Variants in WDPCP observed in about 807,000 individuals in gnomAD.
WDPCP encodes WD repeat-containing and planar cell polarity effector protein fritz homolog.
Under a neutral mutation model 93.1 loss-of-function variants are expected in WDPCP, and 71 were observed. That is an observed-to-expected ratio of 0.76 (90% CI 0.63 to 0.93). The LOEUF is 0.93. WDPCP is among the 40% of genes least tolerant of loss of function. The probability of loss-of-function intolerance (pLI) is 0.00; values close to 1 mark genes in which losing one functional copy is unlikely to be tolerated. For synonymous variants in WDPCP, 315 were observed against 315.0 expected, an observed-to-expected ratio of 1.00 and a Z score of 0.00; for missense variants, 844 against 887.4, an observed-to-expected ratio of 0.95 and a Z score of 0.62.
At chr2:63,147,653 C>A (rs182217914) in intron 17 of WDPCP, among the ~76,000 whole-genome samples, 3 of 152,260 alleles carry the variant, frequency 2.0e-5, no homozygotes, top group African/African-American at 7.2e-5. Flanking sequence ...AAAATGGATA[C>A]AGATACTGCC....
At chr2:63,579,683 C>T (rs1708361401) in intron 1 of WDPCP, among the ~76,000 whole-genome samples, 1 of 152,066 alleles carries the variant, frequency 6.6e-6, no homozygotes, top group Non-Finnish European at 1.5e-5. Flanking sequence ...CGTACTGATG[C>T]AATCCACTGA....
At chr2:63,361,757 G>A (rs894916612) in intron 12 of WDPCP, among the ~76,000 whole-genome samples, 1 of 152,118 alleles carries the variant, frequency 6.6e-6, no homozygotes, top group African/African-American at 2.4e-5. Context: ...CAAGTGAAGA[G>A]GTGAAAAGAG....
intron 2 of WDPCP, among the ~76,000 whole-genome samples, chr2:63,718,348 G>A (rs1356315780): frequency 2.0e-5 from 3 of 151,996 alleles, no homozygotes; most frequent in Non-Finnish European, 4.4e-5. Flanking sequence ...TTTCCATAGG[G>A]GTTTTACTAA....
chr2:63,597,035 A>C (rs1431953704), intron 3 of WDPCP, among the ~76,000 whole-genome samples: 2 of 152,186 alleles, frequency 1.3e-5, no homozygotes, highest in Non-Finnish European at 2.9e-5. Context: ...AGTAATTGTA[A>C]TTTAAAGGTT....
chr2:63,252,776 T>C (rs761283548), intron 14 of WDPCP, among the ~76,000 whole-genome samples: 5 of 152,030 alleles, frequency 3.3e-5, no homozygotes, highest in Non-Finnish European at 7.4e-5. Context: ...CACCAACAAA[T>C]GGAAAAACTT....
At chr2:63,532,047 G>A (rs1001350407) in intron 1 of WDPCP, among the ~76,000 whole-genome samples, 5 of 152,208 alleles carry the variant, frequency 3.3e-5, no homozygotes, top group East Asian at 1.9e-4. Context: ...ACCATGGCAC[G>A]AGAACTACGT....
chr2:63,756,176 A>C (rs749309735), intron 2 of WDPCP, among the ~76,000 whole-genome samples: 2 of 152,224 alleles, frequency 1.3e-5, no homozygotes, highest in Non-Finnish European at 2.9e-5. Context: ...TTTTTCCTAA[A>C]CATTTAACAA....
chr2:63,262,222 C>G (rs953418971), intron 13 of WDPCP, among the ~76,000 whole-genome samples: 1 of 152,008 alleles, frequency 6.6e-6, no homozygotes, highest in African/African-American at 2.4e-5. Context: ...CTTTGATAAA[C>G]TTTGTATTTA....
In WDPCP at chr2:63,494,619, G is replaced by A. The variant is rs61435710; in HGVS notation, c.76-1679C>T. ...GGAGGGAGTATATACAGATGTTTGA[G>A]TAAAAAGATGGCATGACCCGGCCAG... On this transcript the variant is annotated intron_variant, in intron 1 of 17. Coordinates refer to ENST00000272321, the MANE Select transcript of WDPCP (RefSeq NM_015910.7). 7.9e-4 allele frequency among the ~76,000 whole-genome samples: 120 copies of A among 152,194 alleles called. 1 individual carries two copies. The East Asian group carries it at 0.017, about 22-fold the overall frequency.
rs1364527584 is a variant in WDPCP at position 63,230,541 on chromosome 2, A to C, written c.1915+28766T>G. On this transcript the variant is annotated intron_variant, in intron 14 of 17. Transcript: ENST00000272321. ...TCTTCCACAATGGTTGAACTAGTTTACAGTCCCACCAACAGTGTAAAAGTG... is the reference window on the plus strand; with the variant it reads ...TCTTCCACAATGGTTGAACTAGTTTCCAGTCCCACCAACAGTGTAAAAGTG... Among the ~76,000 whole-genome samples, 12 of 152,190 alleles carry C rather than the reference A, an allele frequency of 7.9e-5. No homozygotes were observed. In the South Asian group the frequency reaches 1.0e-3, roughly 13 times the overall value.
chr2:63,225,146 G>C (rs904058695), intron 14 of WDPCP, among the ~76,000 whole-genome samples: 1 of 151,790 alleles, frequency 6.6e-6, no homozygotes, highest in Non-Finnish European at 1.5e-5. Flanking sequence ...TTGTTCTGCA[G>C]TACATACATT....
In WDPCP at chr2:63,120,814, G is replaced by A. The variant is rs777300883; in HGVS notation, c.*1192C>T. ...CTCCCAAAGTGCTGGGATTACAGGC[G>A]TGAGCCACCGTGCCTGGCCTATAGA... On this transcript the variant is annotated 3_prime_UTR_variant, in exon 18 of 18. Coordinates refer to ENST00000272321, the MANE Select transcript of WDPCP (RefSeq NM_015910.7). 2.6e-5 allele frequency among the ~76,000 whole-genome samples: 4 copies of A among 151,906 alleles called. No individual in the cohort carries two copies. The highest frequency in any genetic ancestry group is 7.3e-5 in the African/African-American group (3 of 41,366).
At chr2:63,662,959 C>G (rs1262589735) in intron 2 of WDPCP, among the ~76,000 whole-genome samples, 1 of 152,218 alleles carries the variant, frequency 6.6e-6, no homozygotes, top group Non-Finnish European at 1.5e-5. Flanking sequence ...TTTAAACCTT[C>G]TCCCACAGAT....
At chr2:63,707,052 C>T (rs796124369) in intron 2 of WDPCP, among the ~76,000 whole-genome samples, 2 of 152,142 alleles carry the variant, frequency 1.3e-5, no homozygotes, top group South Asian at 4.1e-4. Context: ...TTCTGGCTGC[C>T]TTTAACTTTT....
chr2:63,482,889 A>C (rs1385254396), intron 6 of WDPCP, among the ~76,000 whole-genome samples: 3 of 152,018 alleles, frequency 2.0e-5, no homozygotes, highest in African/African-American at 7.2e-5. Context: ...AAGCAGATTC[A>C]TTGGTACACC....
intron 17 of WDPCP, among the ~76,000 whole-genome samples, chr2:63,147,538 T>C (rs1671599762): frequency 6.6e-6 from 1 of 152,236 alleles, no homozygotes. Context: ...ATGTTTTGGA[T>C]ATTATCTAGT....
At chr2:63,173,166 G>C (rs969438841) in intron 15 of WDPCP, among the ~76,000 whole-genome samples, 1 of 152,004 alleles carries the variant, frequency 6.6e-6, no homozygotes, top group Non-Finnish European at 1.5e-5. Context: ...TACTATGGAG[G>C]GTGAAGCAGG....
intron 6 of WDPCP, among the ~76,000 whole-genome samples, chr2:63,483,770 A>G (rs901331040): frequency 6.6e-5 from 10 of 151,948 alleles, no homozygotes; most frequent in South Asian, 2.1e-4. Flanking sequence ...TGCAACTTCA[A>G]TTCCACAGAT....
At position 63,708,887 on chromosome 2, in the gene WDPCP, G is replaced by A. The variant is rs188898652; in HGVS notation, n.309-58049C>T. Among the ~76,000 whole-genome samples the A allele has an allele frequency of 3.7e-3, 568 of 151,624 alleles. 1 individual carries two copies. Among genetic ancestry groups the A allele is most frequent in the Non-Finnish European group, 5.7e-3 (384 of 67,860 alleles). On this transcript the variant is annotated intron_variant and non_coding_transcript_variant, in intron 2 of 4. Transcript: ENST00000467687. ...AGCCTCCCAAAGTGCTGGGATTGCA[G>A]GCATGAGCCACCTCGCCTGGCCAAT...
Sources: gnomAD v4.1 joint callset for allele counts (sites outside exome capture counted in the v4.1 genomes callset) on GRCh38, gnomAD v4.1.1 for gene constraint, MANE v1.5 for transcripts, NCBI Gene and HGNC (gene_info 2026-07-23, HGNC 2026-07-21) for gene names.